Variants in SLIT2 observed in about 807,000 individuals in gnomAD.
SLIT2 encodes the protein slit homolog 2 protein.
In SLIT2, 41 loss-of-function variants were observed where a neutral mutation model predicts 185.7. The ratio of observed to expected loss-of-function variants is 0.22; its 90% CI spans 0.17 to 0.29. The LOEUF is 0.29. Among genes scored for constraint, SLIT2 ranks in the 10% least tolerant of loss-of-function variants. The probability of loss-of-function intolerance (pLI) is 1.00; values close to 1 mark genes in which losing one functional copy is unlikely to be tolerated. For synonymous variants in SLIT2, 693 were observed against 680.2 expected, an observed-to-expected ratio of 1.02 and a Z score of -0.29; for missense variants, 1,571 against 1,909.0, an observed-to-expected ratio of 0.82 and a Z score of 3.30.
At chr4:20,330,552 A>G (rs192067124) in intron 4 of SLIT2, among the ~76,000 whole-genome samples, 46 of 152,210 alleles carry the variant, frequency 3.0e-4, no homozygotes, top group African/African-American at 8.9e-4. Context: ...AGGAAAAATG[A>G]ATTAATAGTT....
chr4:20,371,500 T>C (rs1158326585), intron 4 of SLIT2, among the ~76,000 whole-genome samples: 1 of 152,130 alleles, frequency 6.6e-6, no homozygotes, highest in Non-Finnish European at 1.5e-5. Flanking sequence ...TTAAAGCACA[T>C]GGAGGTGTCC....
chr4:20,431,812 TA>T (rs201988179), intron 4 of SLIT2, among the ~76,000 whole-genome samples: 1,566 of 152,296 alleles, frequency 0.01, 21 homozygotes, highest in Middle Eastern at 0.02. Context: ...ATGTCCCTGA[TA>T]AAAGGAGGAA....
intron 4 of SLIT2, among the ~76,000 whole-genome samples, chr4:20,339,956 A>G (rs1442137917): frequency 1.3e-5 from 2 of 152,204 alleles, no homozygotes; most frequent in Non-Finnish European, 2.9e-5. Flanking sequence ...AATTGCCTTT[A>G]AGTATAGTAA....
intron 4 of SLIT2, among the ~76,000 whole-genome samples, chr4:20,350,969 T>C (rs555216768): frequency 4.6e-5 from 7 of 152,298 alleles, no homozygotes; most frequent in African/African-American, 1.7e-4. Flanking sequence ...TAGTGCAGCA[T>C]TGGCCATTGT....
At chr4:20,571,825 G>A (rs978439221) in intron 29 of SLIT2, among the ~76,000 whole-genome samples, 1 of 152,048 alleles carries the variant, frequency 6.6e-6, no homozygotes, top group Non-Finnish European at 1.5e-5. Context: ...TGTTTAATAA[G>A]AACAAATAAT....
chr4:20,315,620 C>T (rs1293988995), intron 4 of SLIT2, among the ~76,000 whole-genome samples: 6 of 151,998 alleles, frequency 3.9e-5, no homozygotes, highest in Non-Finnish European at 5.9e-5. Flanking sequence ...TTTATTTTCT[C>T]ATTGATAAAA....
At chr4:20,608,392 G>A (rs1215046682) in intron 33 of SLIT2, among the ~76,000 whole-genome samples, 1 of 152,174 alleles carries the variant, frequency 6.6e-6, no homozygotes, top group Non-Finnish European at 1.5e-5. Flanking sequence ...TTAGAAGAGA[G>A]TCATATTTAA....
chr4:20,327,335 T>C (rs1719677233), intron 4 of SLIT2, among the ~76,000 whole-genome samples: 1 of 152,058 alleles, frequency 6.6e-6, no homozygotes, highest in African/African-American at 2.4e-5. Flanking sequence ...TTAGTTCAGT[T>C]ATAAAATCAA....
intron 4 of SLIT2, among the ~76,000 whole-genome samples, chr4:20,382,490 A>G (rs1300112468): frequency 6.6e-6 from 1 of 152,180 alleles, no homozygotes; most frequent in Non-Finnish European, 1.5e-5. Context: ...AGTATGCAAG[A>G]TTAATGTATA....
chr4:20,491,940 G>T (rs749375235), intron 9 of SLIT2, 41 bp downstream of exon 9: 4 of 1,594,828 alleles, frequency 2.5e-6, no homozygotes, highest in African/African-American at 1.3e-5. Flanking sequence ...CACCTTCCCG[G>T]TGAACCAAAC....
At chr4:20,288,203 T>C (rs1189490008) in intron 4 of SLIT2, among the ~76,000 whole-genome samples, 1 of 152,214 alleles carries the variant, frequency 6.6e-6, no homozygotes, top group Non-Finnish European at 1.5e-5. Context: ...GTCAGCACGC[T>C]GTGGTACAGA....
chr4:20,520,137 T>A (rs1295151353), intron 12 of SLIT2, among the ~76,000 whole-genome samples: 3 of 151,118 alleles, frequency 2.0e-5, no homozygotes, highest in Admixed American at 6.6e-5. Context: ...CTCAAACGGA[T>A]GGTGTGCGGT....
intron 34 of SLIT2, 198 bp from the exon 35 acceptor site, chr4:20,616,712 C>A (rs1201396772): frequency 4.2e-6 from 2 of 472,356 alleles, no homozygotes; most frequent in Middle Eastern, 5.6e-4. Context: ...ATTAGAATTT[C>A]CTGGAGCATC....
intron 30 of SLIT2, among the ~76,000 whole-genome samples, chr4:20,592,407 G>T (rs1727584650): frequency 6.6e-6 from 1 of 152,124 alleles, no homozygotes; most frequent in Non-Finnish European, 1.5e-5. Flanking sequence ...AGATAATAGA[G>T]TTGAAGGAAT....
chr4:20,295,103 C>T (rs1233943483), intron 4 of SLIT2, among the ~76,000 whole-genome samples: 7 of 152,094 alleles, frequency 4.6e-5, no homozygotes, highest in Non-Finnish European at 7.4e-5. Flanking sequence ...GGTTTGGGGC[C>T]AGGTATTTGG....
At chr4:20,511,010 C>T in intron 10 of SLIT2, 56 bp from the exon 11 acceptor site, 1 of 1,110,532 alleles carries the variant, frequency 9.0e-7, no homozygotes, top group Non-Finnish European at 1.4e-6. Flanking sequence ...GCTTTTTCCG[C>T]AGTAAATCTC....
rs142194424 is a variant in SLIT2, at chr4:20,604,096, G to A, written c.3692+5701G>A. On this transcript the variant is annotated intron_variant, in intron 33 of 36. Coordinates refer to ENST00000504154, the MANE Select transcript of SLIT2 (RefSeq NM_004787.4). ...CTAACATCGTGCTTGGCACAGAGTC[G>A]GCTCACGATATTGAGTAATGCTGAT... Among the ~76,000 whole-genome samples, 448 of 152,202 alleles carry A rather than the reference G, an allele frequency of 2.9e-3. 2 individuals carry two copies. Among genetic ancestry groups the A allele is most frequent in the African/African-American group, 0.01 (431 of 41,540 alleles).
intron 26 of SLIT2, among the ~76,000 whole-genome samples, chr4:20,559,750 C>T (rs944483453): frequency 2.0e-5 from 3 of 151,774 alleles, no homozygotes; most frequent in African/African-American, 7.3e-5. Flanking sequence ...ACTCAGCTGC[C>T]GACTGGAGTC....
chr4:20,393,575 C>G (rs1325581669), intron 4 of SLIT2: 2 of 151,898 alleles, frequency 1.3e-5, no homozygotes, highest in Non-Finnish European at 2.9e-5. Context: ...GAAAAAACAC[C>G]AGGCTTGTTC....
Sources: gnomAD v4.1 joint callset for allele counts (sites outside exome capture counted in the v4.1 genomes callset) on GRCh38, gnomAD v4.1.1 for gene constraint, MANE v1.5 for transcripts, NCBI Gene and HGNC (gene_info 2026-07-23, HGNC 2026-07-21) for gene names.